The following CELF2 variants were observed in gnomAD, a reference collection of about 807,000 sequenced individuals.
The protein encoded by CELF2 is CUGBP Elav-like family member 2, also known as CUG triplet repeat RNA-binding protein 2.
A neutral mutation model predicts 62.6 loss-of-function variants in CELF2; 8 were observed. The observed-to-expected ratio is 0.13, with a 90% CI of 0.07 to 0.23. The LOEUF (loss-of-function observed/expected upper bound fraction) is 0.23, where lower values mean the gene tolerates loss of function less well. Among genes scored for constraint, CELF2 ranks in the 10% least tolerant of loss-of-function variants. CELF2 has a pLI of 1.00. For synonymous variants in CELF2, 258 were observed against 250.0 expected (o/e 1.03, Z -0.30); for missense variants, 333 against 671.0 (o/e 0.50, Z 5.56).
the CELF2 span, among the ~76,000 whole-genome samples, chr10:10,489,195 A>G: frequency 1.3e-5 from 2 of 152,040 alleles, no homozygotes; most frequent in African/African-American, 4.8e-5. Context: ...AGAACTTAAT[A>G]CTGAAGGATA....
chr10:10,827,304 G>A lies in CELF2; in HGVS notation c.53+28487G>A, dbSNP rs116431067. On this transcript the variant is annotated intron_variant, in intron 1 of 13. Transcript: ENST00000636488. ...ATGGGGTACTCAGGGATTTTTGTCC[G>A]TCCTCTCTCATTTTATTAACTCTGT... Among the ~76,000 whole-genome samples, 682 of 152,190 alleles carry A rather than the reference G, an allele frequency of 4.5e-3. 5 individuals are homozygous for A. Among genetic ancestry groups the A allele is most frequent in the African/African-American group, 0.015 (641 of 41,514 alleles).
chr10:11,305,895 T>G lies in CELF2; in HGVS notation c.977-8244T>G, dbSNP rs1402344526. 2.0e-5 allele frequency among the ~76,000 whole-genome samples: 3 copies of G among 152,188 alleles called. No homozygotes were observed. Among genetic ancestry groups the G allele is most frequent in the Non-Finnish European group, 2.9e-5 (2 of 68,028 alleles). ...TCACCATCAGGGTCTCTGGACCACC[T>G]CGCTTTTCCTGTTCTCCACACCCCA... is the stretch of plus-strand genomic sequence containing the variant. On this transcript the variant is annotated intron_variant, in intron 9 of 12. Coordinates refer to ENST00000633077, the MANE Select transcript of CELF2 (RefSeq NM_001326342.2). The surrounding 1 kb of genome is among the most constrained non-coding windows in gnomAD (Gnocchi z 4.8).
chr10:10,792,071 A>AGGAAGGAGGGAG, the CELF2 span, among the ~76,000 whole-genome samples: 2 of 140,234 alleles, frequency 1.4e-5, no homozygotes, highest in Non-Finnish European at 1.5e-5. Flanking sequence ...GGAGGGAGGA[A>AGGAAGGAGGGAG]GGAGGAAAGG....
chr10:11,108,306 T>C (rs975337682), intron 1 of CELF2, among the ~76,000 whole-genome samples: 3 of 151,274 alleles, frequency 2.0e-5, no homozygotes, highest in Non-Finnish European at 4.4e-5. Flanking sequence ...CATGAATTAG[T>C]TTTATAATCT....
chr10:10,583,646 C>A, the CELF2 span, among the ~76,000 whole-genome samples: 115 of 152,238 alleles, frequency 7.6e-4, no homozygotes, highest in African/African-American at 2.7e-3. Context: ...AGGCAGCTCA[C>A]CAGAGTTTAT....
At position 11,332,118 on chromosome 10, in the gene CELF2, T is replaced by TCCTTCTTCAGTTTTAACGAGCA. The variant is rs1566057801; in HGVS notation, c.*3085_*3086insCACCTTCTTCAGTTTTAACGAG. 1 of 152,198 alleles carries TCCTTCTTCAGTTTTAACGAGCA rather than the reference T, an allele frequency of 6.6e-6. No homozygotes were observed. The highest frequency in any genetic ancestry group is 2.4e-5 in the African/African-American group (1 of 41,424). 9.4% of individuals were successfully genotyped at this position (152,198 alleles called of 1,614,324 possible). Reference sequence around the variant, plus strand: ...AGAATTCCTAATGTGCTACTAGAATTCCTTCTTCAGTTTTAACGAGTAATT... The same window carrying TCCTTCTTCAGTTTTAACGAGCA: ...AGAATTCCTAATGTGCTACTAGAATTCCTTCTTCAGTTTTAACGAGCACCTTCTTCAGTTTTAACGAGTAATT... On this transcript the variant is annotated 3_prime_UTR_variant, in exon 13 of 13. Coordinates refer to ENST00000633077, the MANE Select transcript of CELF2 (RefSeq NM_001326342.2).
the CELF2 span, among the ~76,000 whole-genome samples, chr10:10,675,118 G>A: frequency 1.1e-3 from 174 of 152,142 alleles, 1 homozygote; most frequent in African/African-American, 4.0e-3. Flanking sequence ...TCTGACTTAC[G>A]TTATTTTATT....
At chr10:10,888,448 G>A (rs1034128789) in intron 1 of CELF2, among the ~76,000 whole-genome samples, 3 of 152,208 alleles carry the variant, frequency 2.0e-5, no homozygotes, top group Admixed American at 6.5e-5. Context: ...TTATCGTGCA[G>A]TATTGAATTA....
At chr10:10,535,457 C>G in the CELF2 span, among the ~76,000 whole-genome samples, 1 of 152,132 alleles carries the variant, frequency 6.6e-6, no homozygotes. Context: ...CGGTGGCTCA[C>G]ACCTGTAATC....
intron 2 of CELF2, among the ~76,000 whole-genome samples, chr10:11,197,583 TTCTGTTAA>T (rs1395869586): frequency 1.3e-5 from 2 of 152,368 alleles, no homozygotes; most frequent in South Asian, 4.1e-4. Flanking sequence ...TGAGCCACTT[TTCTGTTAA>T]ACAATCCAAC....
At chr10:10,963,646 G>A (rs529040302) in intron 2 of CELF2, among the ~76,000 whole-genome samples, 2 of 145,396 alleles carry the variant, frequency 1.4e-5, no homozygotes, top group African/African-American at 5.7e-5. Flanking sequence ...GGTCCATCCT[G>A]CCATATATTT....
chr10:11,252,498 T>C (rs1204223982), intron 4 of CELF2, among the ~76,000 whole-genome samples: 1 of 152,182 alleles, frequency 6.6e-6, no homozygotes, highest in South Asian at 2.1e-4. Flanking sequence ...GATGGACAGG[T>C]GAACTCCAGA....
At chr10:10,777,661 G>T in the CELF2 span, among the ~76,000 whole-genome samples, 1 of 152,166 alleles carries the variant, frequency 6.6e-6, no homozygotes, top group Non-Finnish European at 1.5e-5. Context: ...TTCCGGTGCA[G>T]CCAGGGTGAT....
intron 1 of CELF2, among the ~76,000 whole-genome samples, chr10:11,164,608 T>C (rs559162248): frequency 6.6e-6 from 1 of 152,038 alleles, no homozygotes; most frequent in East Asian, 1.9e-4. Flanking sequence ...TTATGGAGTG[T>C]GAGAGATTTG....
chr10:11,051,907 T>G (rs1296982697), intron 1 of CELF2, among the ~76,000 whole-genome samples: 1 of 150,634 alleles, frequency 6.6e-6, no homozygotes, highest in East Asian at 1.9e-4. Context: ...AATACTTTTT[T>G]TTTTTTTTTT....
intron 3 of CELF2, among the ~76,000 whole-genome samples, chr10:11,245,470 G>A (rs2075315290): frequency 1.3e-5 from 2 of 152,244 alleles, no homozygotes; most frequent in African/African-American, 4.8e-5. Context: ...CATACCTGAA[G>A]TGGGGTGACC....
rs148588140 is a variant in CELF2 at position 11,304,552 on chromosome 10, G to A, written c.977-9587G>A. ...ACTCTGCAGTCCTGAGGCAGTGCGG[G>A]GCATCACATGGCCGGGGCTGAGTGT... On this transcript the variant is annotated intron_variant, in intron 9 of 12. Transcript: ENST00000633077. 4.3e-3 allele frequency among the ~76,000 whole-genome samples: 660 copies of A among 151,888 alleles called. 4 individuals carry two copies. Among genetic ancestry groups the A allele is most frequent in the African/African-American group, 0.015 (630 of 41,432 alleles).
At chr10:10,643,920 TAGTC>T in the CELF2 span, among the ~76,000 whole-genome samples, 1 of 152,254 alleles carries the variant, frequency 6.6e-6, no homozygotes, top group Non-Finnish European at 1.5e-5. Flanking sequence ...CCCATTAAAT[TAGTC>T]AGTCAGAAAT....
chr10:10,476,555 A>G, the CELF2 span, among the ~76,000 whole-genome samples: 1 of 152,252 alleles, frequency 6.6e-6, no homozygotes, highest in Admixed American at 6.5e-5. Context: ...CTACTCTCCA[A>G]TATCTTTAAC....
Sources: gnomAD v4.1 joint callset for allele counts (sites outside exome capture counted in the v4.1 genomes callset) on GRCh38, gnomAD v4.1.1 for gene constraint, Gnocchi (gnomAD v3.1) non-coding constraint, MANE v1.5 for transcripts, NCBI Gene and HGNC (gene_info 2026-07-23, HGNC 2026-07-21) for gene names.